Variants in PDE1C observed in about 807,000 individuals in gnomAD.
PDE1C encodes dual specificity calcium/calmodulin-dependent 3',5'-cyclic nucleotide phosphodiesterase 1C.
In PDE1C, 62 loss-of-function variants were observed where a neutral mutation model predicts 93.1. That is an observed-to-expected ratio of 0.67 (90% CI 0.54 to 0.82). The LOEUF is 0.82. Among genes scored for constraint, PDE1C ranks in the 40% least tolerant of loss-of-function variants. The pLI is 0.00. For synonymous variants in PDE1C, 325 were observed against 310.1 expected (o/e 1.05, Z -0.50); for missense variants, 742 against 884.6 (o/e 0.84, Z 2.04).
chr7:32,070,427 G>C, upstream of PDE1C: 1 of 1,613,294 alleles, frequency 6.2e-7, no homozygotes, highest in Non-Finnish European at 8.5e-7. Context: ...CGGTGAAGCT[G>C]AGATAGTTTG....
downstream of PDE1C, among the ~76,000 whole-genome samples, chr7:31,748,081 T>C (rs1176333074): frequency 2.8e-5 from 4 of 140,992 alleles, no homozygotes; most frequent in Admixed American, 2.9e-4. Flanking sequence ...CCTTTCAAGT[T>C]AAACTATAAA....
In PDE1C at chr7:31,753,234, C is replaced by A; in HGVS notation, c.*150G>T. On this transcript the variant is annotated 3_prime_UTR_variant, in exon 18 of 18. Coordinates refer to ENST00000396191, the MANE Select transcript of PDE1C (RefSeq NM_001191057.4). Reference sequence around the variant, plus strand: ...GAACAACAAAGAGGAAAATCACATACAACTTTCATTTCACCTTGGTGGAGT... The same window carrying A: ...GAACAACAAAGAGGAAAATCACATAAAACTTTCATTTCACCTTGGTGGAGT... 4.2e-6 allele frequency: 4 copies of A among 952,680 alleles called. No homozygotes were observed. Among genetic ancestry groups the A allele is most frequent in the Non-Finnish European group, 4.5e-6 (3 of 659,478 alleles). The allele number at this position is 952,680 out of a possible 1,614,324, so 59.0% of individuals were successfully genotyped here. A position where few individuals can be genotyped will look rare whatever the true frequency, so the allele number is the denominator to read the frequency against.
chr7:32,171,783 C>A (rs556815332), intron 2 of PDE1C, among the ~76,000 whole-genome samples: 1 of 149,456 alleles, frequency 6.7e-6, no homozygotes, highest in Non-Finnish European at 1.5e-5. Context: ...ATTTTGTTAC[C>A]TGAGGTAACC....
At chr7:32,206,280 G>A (rs1805512327) in intron 2 of PDE1C, among the ~76,000 whole-genome samples, 1 of 152,094 alleles carries the variant, frequency 6.6e-6, no homozygotes, top group African/African-American at 2.4e-5. Flanking sequence ...GAGGAGCAGG[G>A]GGAAAGGAGC....
chr7:32,002,739 T>C (rs1019356238), intron 2 of PDE1C, among the ~76,000 whole-genome samples: 4 of 152,292 alleles, frequency 2.6e-5, no homozygotes, highest in Admixed American at 6.5e-5. Flanking sequence ...TTATAATATA[T>C]ATTAAAATCA....
intron 1 of PDE1C, among the ~76,000 whole-genome samples, chr7:32,270,135 T>C (rs563155296): frequency 1.3e-5 from 2 of 152,242 alleles, no homozygotes; most frequent in African/African-American, 4.8e-5. Context: ...ATAATATGTA[T>C]ATTATAGTTC....
intron 1 of PDE1C, among the ~76,000 whole-genome samples, chr7:32,389,891 G>A (rs1180438685): frequency 6.6e-6 from 1 of 152,256 alleles, no homozygotes; most frequent in East Asian, 1.9e-4. Context: ...CAGTGAATCA[G>A]GATTCCCATT....
At chr7:31,966,702 G>C (rs555344649) in intron 2 of PDE1C, among the ~76,000 whole-genome samples, 10 of 152,244 alleles carry the variant, frequency 6.6e-5, no homozygotes, top group South Asian at 4.1e-4. Flanking sequence ...TGACCACATA[G>C]TTGGAAGTAA....
At chr7:31,625,678 C>T in the PDE1C span, among the ~76,000 whole-genome samples, 232 of 151,964 alleles carry the variant, frequency 1.5e-3, 1 homozygote, top group Middle Eastern at 6.8e-3. Flanking sequence ...TGCTAGATGA[C>T]GAGTTAGTGG....
the PDE1C span, among the ~76,000 whole-genome samples, chr7:31,726,716 T>C: frequency 1.4e-4 from 21 of 152,328 alleles, no homozygotes; most frequent in African/African-American, 4.8e-4. Context: ...AGCTTCAGTC[T>C]AGTCTTCCCT....
At chr7:32,141,319 G>T (rs1190567296) in intron 3 of PDE1C, among the ~76,000 whole-genome samples, 3 of 152,146 alleles carry the variant, frequency 2.0e-5, no homozygotes, top group African/African-American at 4.8e-5. Flanking sequence ...CCCCAGCCTG[G>T]ACAACATAGC....
chr7:31,876,706 A>G (rs1796639337), intron 5 of PDE1C, among the ~76,000 whole-genome samples: 1 of 152,210 alleles, frequency 6.6e-6, no homozygotes, highest in African/African-American at 2.4e-5. Context: ...AAAATGGGAA[A>G]TATCACTGTA....
chr7:31,723,800 TTAA>T, the PDE1C span, among the ~76,000 whole-genome samples: 2 of 152,164 alleles, frequency 1.3e-5, no homozygotes, highest in African/African-American at 4.8e-5. Context: ...TTTTCTTTAG[TTAA>T]TTCTCGTCTA....
At chr7:32,068,008 G>A (rs906417326) in intron 1 of PDE1C, among the ~76,000 whole-genome samples, 2 of 152,108 alleles carry the variant, frequency 1.3e-5, no homozygotes, top group South Asian at 2.1e-4. Context: ...AAGGAGATGC[G>A]ATAACATTGA....
intron 1 of PDE1C, among the ~76,000 whole-genome samples, chr7:32,219,961 C>T (rs182356060): frequency 1.3e-5 from 2 of 152,258 alleles, no homozygotes; most frequent in East Asian, 1.9e-4. Context: ...ATAAGTCTCA[C>T]GAGATCTGAT....
intron 1 of PDE1C, among the ~76,000 whole-genome samples, chr7:32,378,953 T>C (rs1405595687): frequency 6.6e-6 from 1 of 152,214 alleles, no homozygotes; most frequent in African/African-American, 2.4e-5. Context: ...GAATAACCTA[T>C]CAGGCAGTTA....
rs142563937 is a variant in PDE1C at position 32,315,983 on chromosome 7, G to A, written c.311-106444C>T. 2.5e-3 allele frequency among the ~76,000 whole-genome samples: 379 copies of A among 152,190 alleles called. 2 individuals carry two copies. Among genetic ancestry groups the A allele is most frequent in the African/African-American group, 8.6e-3 (357 of 41,524 alleles). ...GCACTCCAGCCTGGGCAACAAGAGCGAAAACTCCATCTCAAAAAATATATA... is the reference window on the plus strand; with the variant it reads ...GCACTCCAGCCTGGGCAACAAGAGCAAAAACTCCATCTCAAAAAATATATA... On this transcript the variant is annotated intron_variant, in intron 1 of 1. Transcript: ENST00000672256.
At chr7:31,806,577 C>T (rs1283727897) in intron 16 of PDE1C, among the ~76,000 whole-genome samples, 1 of 151,928 alleles carries the variant, frequency 6.6e-6, no homozygotes, top group East Asian at 1.9e-4. Flanking sequence ...AGATAATGTA[C>T]AGCTGCAATG....
chr7:32,398,080 C>G (rs690840), intron 1 of PDE1C, among the ~76,000 whole-genome samples: 140,700 of 151,348 alleles, frequency 0.93, 66,027 homozygotes, highest in East Asian at 0.99. Context: ...GTGAACCCAG[C>G]AGGCGGAGCT....
Sources: allele counts gnomAD v4.1 joint callset (sites outside exome capture counted in the v4.1 genomes callset), GRCh38; gene constraint gnomAD v4.1.1; transcripts MANE v1.5; gene names NCBI Gene and HGNC (gene_info 2026-07-23, HGNC 2026-07-21).